CFH: variants seen among roughly 807,000 people sequenced by gnomAD.
The protein encoded by CFH is H factor 1 (complement).
In CFH, 53 loss-of-function variants were observed where a neutral mutation model predicts 147.3. That is an observed-to-expected ratio of 0.36 (90% CI 0.29 to 0.45). The LOEUF (loss-of-function observed/expected upper bound fraction) is 0.45. Among genes scored for constraint, CFH ranks in the 20% least tolerant of loss-of-function variants. CFH has a pLI of 1.00. For synonymous variants in CFH, 536 were observed against 489.4 expected (o/e 1.10, Z -1.26); for missense variants, 1,380 against 1,498.0 (o/e 0.92, Z 1.30).
chr1:196,737,515 A>G lies in CFH; in HGVS notation c.2637A>G (p.Gly879=), dbSNP rs55752475. 5.4e-4 allele frequency: 866 copies of G among 1,613,294 alleles called. 9 individuals are homozygous for G. The East Asian group carries it at 0.017, about 31-fold the overall frequency. The change falls in exon 17 of 22, where the codon GGA becomes GGG. Residue 879 remains glycine, a synonymous_variant. Transcript: ENST00000367429. ...CACAACCACCTCAGATAGAACACGG[A>G]ACCATTAATTCATCCAGGTCTTCAC... ...PCSQPPQIEH[G]TINSSRSSQE... is the part of the protein sequence containing the mutation.
At chr1:196,700,761 A>G in intron 9 of CFH, 1 of 951,344 alleles carries the variant, frequency 1.1e-6, no homozygotes, top group Non-Finnish European at 1.3e-6. Flanking sequence ...ACCCAGAGAG[A>G]AGCTCAAGAA....
chr1:196,710,765 A>G (rs895998373), intron 9 of CFH, among the ~76,000 whole-genome samples: 1 of 134,966 alleles, frequency 7.4e-6, no homozygotes, highest in African/African-American at 2.9e-5. Context: ...GTAAGATCAT[A>G]CAGTCTTACC....
At chr1:196,729,154 T>C (rs436337) in intron 15 of CFH, among the ~76,000 whole-genome samples, 1,812 of 152,158 alleles carry the variant, frequency 0.012, 27 homozygotes, top group African/African-American at 0.04. Context: ...TTCAATATTT[T>C]TACCAATGTC....
chr1:196,693,758 CT>C lies in CFH; in HGVS notation c.1336+3526del, dbSNP rs371199462. On this transcript the variant is annotated intron_variant, in intron 9 of 21. Coordinates refer to ENST00000367429, the MANE Select transcript of CFH (RefSeq NM_000186.4). ...GATTTCATCACACTACCCAGAACAC[CT>C]TTTTTTATTGCTAAGTATTATTCCA... is the stretch of plus-strand genomic sequence containing the variant. 3.2e-4 allele frequency among the ~76,000 whole-genome samples: 48 copies of C among 152,180 alleles called. No individual in the cohort carries two copies. The East Asian group carries it at 4.6e-3, about 15-fold the overall frequency.
At chr1:196,653,412 C>T (rs555404436) in intron 1 of CFH, among the ~76,000 whole-genome samples, 27 of 151,684 alleles carry the variant, frequency 1.8e-4, no homozygotes, top group Non-Finnish European at 2.8e-4. Flanking sequence ...GTCAATATTA[C>T]CTATTGTAAA....
At chr1:196,677,131 A>G (rs572515) in intron 4 of CFH, 126,232 of 184,346 alleles carry the variant, frequency 0.68, 44,247 homozygotes, top group East Asian at 0.94. Context: ...TTAGGAACAC[A>G]GTGTTATATT....
At chr1:196,712,275 T>C (rs1183612155) in intron 9 of CFH, among the ~76,000 whole-genome samples, 2 of 152,012 alleles carry the variant, frequency 1.3e-5, no homozygotes, top group African/African-American at 4.8e-5. Context: ...TCTGTACTGA[T>C]TGTTTTCTAT....
At position 196,737,331 on chromosome 1, in the gene CFH, C is replaced by T. The variant is rs537204979; in HGVS notation, c.2597-144C>T. 1.3e-3 allele frequency: 829 copies of T among 659,272 alleles called. 16 individuals are homozygous for T. The highest frequency in any genetic ancestry group is 0.012 in the South Asian group (626 of 51,368). The allele number at this position is 659,272 out of a possible 1,614,324, so 40.8% of individuals were successfully genotyped here. ...GATATGGTGGAGGAATATATCTTTG[C>T]GAGTTTCTAATATGTTTTTGTTTTT... On this transcript the variant is annotated intron_variant, in intron 16 of 21. Coordinates refer to ENST00000367429, the MANE Select transcript of CFH (RefSeq NM_000186.4).
At chr1:196,745,786 A>G in intron 20 of CFH, 31 bp from the exon 21 acceptor site, 2 of 1,613,756 alleles carry the variant, frequency 1.2e-6, no homozygotes, top group South Asian at 1.1e-5. Context: ...TGCTCTCACA[A>G]CAAATCAAGT....
At chr1:196,701,764 T>A (rs1668462875) in intron 9 of CFH, among the ~76,000 whole-genome samples, 1 of 152,062 alleles carries the variant, frequency 6.6e-6, no homozygotes. Context: ...CTAAGGGCTG[T>A]CCCTTAGTTC....
intron 1 of CFH, among the ~76,000 whole-genome samples, chr1:196,668,437 A>G (rs749305622): frequency 2.6e-5 from 4 of 152,068 alleles, no homozygotes; most frequent in Non-Finnish European, 5.9e-5. Flanking sequence ...TATTTTTACT[A>G]TTCTCCTGGA....
intron 9 of CFH, among the ~76,000 whole-genome samples, chr1:196,693,955 G>GGTGTGT (rs71567586): frequency 0.053 from 7,587 of 142,648 alleles, 249 homozygotes; most frequent in African/African-American, 0.087. Flanking sequence ...TTAGATAAAT[G>GGTGTGT]GTGTGTGTGT....
intron 19 of CFH, among the ~76,000 whole-genome samples, chr1:196,742,794 T>A (rs1652855835): frequency 6.6e-6 from 1 of 152,218 alleles, no homozygotes; most frequent in Non-Finnish European, 1.5e-5. Flanking sequence ...TATGAAACTC[T>A]CTGATGAATT....
At position 196,655,456 on chromosome 1, in the gene CFH, C is replaced by T. The variant is rs966310165; in HGVS notation, c.58+3281C>T. 7.2e-5 allele frequency among the ~76,000 whole-genome samples: 11 copies of T among 152,266 alleles called. No homozygotes were observed. In the South Asian group the frequency reaches 2.1e-3, roughly 29 times the overall value. On this transcript the variant is annotated intron_variant, in intron 1 of 21. Coordinates refer to ENST00000367429, the MANE Select transcript of CFH (RefSeq NM_000186.4). The stretch of plus-strand genomic sequence containing the variant: ...ATAATTTAAACTAAAAATGAAATAT[C>T]TAAGTATTGCTAACTAAAATTATTC...
At chr1:196,704,109 G>C (rs1432989069) in intron 9 of CFH, among the ~76,000 whole-genome samples, 1 of 151,112 alleles carries the variant, frequency 6.6e-6, no homozygotes, top group Admixed American at 6.6e-5. Flanking sequence ...ACAGAGTCTT[G>C]CCCTATCGCC....
intron 21 of CFH, among the ~76,000 whole-genome samples, chr1:196,746,257 T>C (rs544349783): frequency 2.3e-4 from 35 of 152,178 alleles, no homozygotes; most frequent in Admixed American, 1.7e-3. Context: ...CCATCCTGGC[T>C]AACACGGTGA....
intron 1 of CFH, among the ~76,000 whole-genome samples, chr1:196,657,499 C>T (rs781247427): frequency 6.6e-5 from 10 of 152,198 alleles, no homozygotes; most frequent in Non-Finnish European, 1.0e-4. Flanking sequence ...TTCGTACATG[C>T]GGTTTCCAGA....
chr1:196,669,210 T>C (rs1246684452), intron 1 of CFH, among the ~76,000 whole-genome samples: 3 of 152,126 alleles, frequency 2.0e-5, no homozygotes, highest in African/African-American at 4.8e-5. Flanking sequence ...TTGGAACTTA[T>C]GTTTAAAAGG....
At chr1:196,656,164 C>A (rs901566392) in intron 1 of CFH, among the ~76,000 whole-genome samples, 1 of 151,836 alleles carries the variant, frequency 6.6e-6, no homozygotes, top group Non-Finnish European at 1.5e-5. Context: ...ATTAGCCAGG[C>A]GTGGTGGCGC....
Sources: allele counts gnomAD v4.1 joint callset (sites outside exome capture counted in the v4.1 genomes callset), GRCh38; gene constraint gnomAD v4.1.1; transcripts MANE v1.5; gene names NCBI Gene and HGNC (gene_info 2026-07-23, HGNC 2026-07-21).